Variants in PSD3 observed in about 807,000 individuals in gnomAD.
PSD3 encodes the protein pleckstrin and Sec7 domain containing 3.
PSD3 carries 49 observed loss-of-function variants against 105.5 expected under a neutral mutation model. That is an observed-to-expected ratio of 0.46 (90% CI 0.37 to 0.59). PSD3 has a LOEUF of 0.59. Among genes scored for constraint, PSD3 ranks in the 20% least tolerant of loss-of-function variants. The pLI, the probability that PSD3 is intolerant of heterozygous loss-of-function variation, is 0.00. For synonymous variants in PSD3, 557 were observed against 457.8 expected (o/e 1.22, Z -2.77); for missense variants, 1,561 against 1,263.8 (o/e 1.24, Z -3.57).
intron 9 of PSD3, among the ~76,000 whole-genome samples, chr8:18,705,180 A>T (rs147624805): frequency 6.6e-6 from 1 of 152,314 alleles, no homozygotes; most frequent in African/African-American, 2.4e-5. Flanking sequence ...AAAAATGTTT[A>T]GTTGAAGCAG....
intron 10 of PSD3, among the ~76,000 whole-genome samples, chr8:18,646,345 C>T (rs974838275): frequency 1.3e-5 from 2 of 152,010 alleles, no homozygotes; most frequent in African/African-American, 4.8e-5. Flanking sequence ...TATCTATATT[C>T]ACTAGGGATT....
intron 1 of PSD3, among the ~76,000 whole-genome samples, chr8:19,058,913 G>T (rs1828797406): frequency 6.6e-6 from 1 of 152,170 alleles, no homozygotes; most frequent in African/African-American, 2.4e-5. Context: ...CCCAGGTGAG[G>T]TTAATTGAAG....
At chr8:18,621,361 T>G (rs979540050) in intron 11 of PSD3, among the ~76,000 whole-genome samples, 2 of 152,112 alleles carry the variant, frequency 1.3e-5, no homozygotes, top group African/African-American at 2.4e-5. Flanking sequence ...TGAGCTGACA[T>G]CGTGCCACTG....
intron 11 of PSD3, among the ~76,000 whole-genome samples, chr8:18,617,678 G>C (rs1243163231): frequency 2.0e-5 from 3 of 152,126 alleles, no homozygotes; most frequent in Non-Finnish European, 4.4e-5. Flanking sequence ...GGACATGACA[G>C]AAAGGGGGTG....
chr8:18,717,606 T>C (rs565966243), intron 9 of PSD3, among the ~76,000 whole-genome samples: 51 of 152,224 alleles, frequency 3.4e-4, no homozygotes, highest in Non-Finnish European at 6.6e-4. Context: ...ATATTTTATA[T>C]GTTTGTATGT....
chr8:18,949,244 A>AAAAAAAAAT (rs1345423514), intron 1 of PSD3, among the ~76,000 whole-genome samples: 7 of 14,406 alleles, frequency 4.9e-4, no homozygotes, highest in African/African-American at 1.0e-3. Flanking sequence ...AAAAAAAAAA[A>AAAAAAAAAT]ATATATATAT....
chr8:18,664,651 C>G (rs11203978), intron 9 of PSD3, among the ~76,000 whole-genome samples: 3 of 152,198 alleles, frequency 2.0e-5, no homozygotes, highest in African/African-American at 4.8e-5. Context: ...TACTAAACAA[C>G]AGATTTTCAG....
chr8:19,043,832 C>A (rs1189941970), intron 1 of PSD3, among the ~76,000 whole-genome samples: 3 of 152,210 alleles, frequency 2.0e-5, no homozygotes, highest in Admixed American at 6.5e-5. Flanking sequence ...TGAGACAATA[C>A]TTTTCTGTTC....
intron 4 of PSD3, among the ~76,000 whole-genome samples, chr8:18,825,106 T>C (rs148700536): frequency 9.5e-4 from 144 of 152,296 alleles, no homozygotes; most frequent in African/African-American, 3.3e-3. Context: ...TACTACAATA[T>C]ACTAGTGCAG....
At chr8:18,553,121 C>T (rs1167940209) in intron 15 of PSD3, among the ~76,000 whole-genome samples, 2 of 152,140 alleles carry the variant, frequency 1.3e-5, no homozygotes, top group African/African-American at 2.4e-5. Context: ...TAGTAACACT[C>T]CTGGTGTTAT....
chr8:18,739,392 G>A (rs895622443), intron 9 of PSD3, among the ~76,000 whole-genome samples: 5 of 152,086 alleles, frequency 3.3e-5, no homozygotes, highest in Admixed American at 2.0e-4. Context: ...ACAAGAGGCC[G>A]GGCAAACCTG....
At chr8:18,671,717 C>G (rs1344562021) in intron 9 of PSD3, among the ~76,000 whole-genome samples, 1 of 151,918 alleles carries the variant, frequency 6.6e-6, no homozygotes, top group Non-Finnish European at 1.5e-5. Context: ...CTGCAAGCTC[C>G]GCCTCCTGGG....
chr8:18,550,196 C>G (rs764785619), intron 15 of PSD3, among the ~76,000 whole-genome samples: 1 of 152,168 alleles, frequency 6.6e-6, no homozygotes, highest in African/African-American at 2.4e-5. Flanking sequence ...GCTGCTTATT[C>G]TTCCTTCTCA....
intron 1 of PSD3, among the ~76,000 whole-genome samples, chr8:19,010,539 T>C (rs1826904750): frequency 6.6e-6 from 1 of 152,342 alleles, no homozygotes; most frequent in African/African-American, 2.4e-5. Flanking sequence ...CTGCAAATTA[T>C]CCTTTTTCTC....
chr8:19,001,313 G>C (rs183791010), intron 1 of PSD3, among the ~76,000 whole-genome samples: 3 of 151,662 alleles, frequency 2.0e-5, no homozygotes, highest in Admixed American at 6.6e-5. Flanking sequence ...CAGGCCCGTA[G>C]ACTTTATTTA....
intron 4 of PSD3, among the ~76,000 whole-genome samples, chr8:18,813,918 C>A (rs1018965982): frequency 6.6e-6 from 1 of 152,204 alleles, no homozygotes; most frequent in Non-Finnish European, 1.5e-5. Flanking sequence ...CCATCTTCGT[C>A]ACCAACACCA....
intron 11 of PSD3, among the ~76,000 whole-genome samples, chr8:18,606,088 T>C (rs1446009926): frequency 6.6e-6 from 1 of 152,234 alleles, no homozygotes; most frequent in African/African-American, 2.4e-5. Context: ...CAGGTTTCTT[T>C]AATTTACACA....
intron 1 of PSD3, among the ~76,000 whole-genome samples, chr8:19,019,303 G>A (rs1006584244): frequency 6.6e-6 from 1 of 151,930 alleles, no homozygotes; most frequent in East Asian, 1.9e-4. Flanking sequence ...GTGAGTCATT[G>A]CACGTCAAAA....
At chr8:18,887,380 T>C (rs1333728086) in intron 2 of PSD3, among the ~76,000 whole-genome samples, 1 of 152,210 alleles carries the variant, frequency 6.6e-6, no homozygotes, top group East Asian at 1.9e-4. Context: ...TGATTGCTGT[T>C]ACTTGGAAAT....
Sources: gnomAD v4.1 joint callset for allele counts (sites outside exome capture counted in the v4.1 genomes callset) on GRCh38, gnomAD v4.1.1 for gene constraint, MANE v1.5 for transcripts, NCBI Gene and HGNC (gene_info 2026-07-23, HGNC 2026-07-21) for gene names.